The following DLGAP5 variants were observed in gnomAD, a reference collection of about 807,000 sequenced individuals.
The protein encoded by DLGAP5 is DLG associated protein 5.
DLGAP5 carries 90 observed loss-of-function variants against 99.6 expected under a neutral mutation model. The observed-to-expected ratio is 0.90, with a 90% CI of 0.76 to 1.08. The LOEUF is 1.08. DLGAP5 is among the 50% of genes least tolerant of loss of function. The pLI is 0.00. For missense variants in DLGAP5, 1,036 were observed against 983.5 expected (o/e 1.05, Z -0.71); for synonymous variants, 311 against 321.3 (o/e 0.97, Z 0.34).
chr14:55,162,575 C>T (rs1014627165), intron 13 of DLGAP5, among the ~76,000 whole-genome samples: 3 of 151,192 alleles, frequency 2.0e-5, no homozygotes, highest in South Asian at 2.1e-4. Context: ...GCTGAGATCA[C>T]GCCACTGTAC....
chr14:55,169,459 T>C lies in DLGAP5; in HGVS notation c.1488A>G (p.Arg496=). ...CTGTACAGGTAGTCTCCTTTATACC[T>C]CGTTTATATTCACAATCATCAACCA... ...EGLVDDCEYK[R]GIKETTCTDL... Residue 496 remains arginine (R), a synonymous_variant, in exon 12 of 19, where the codon CGA becomes CGG. Coordinates refer to ENST00000247191, the MANE Select transcript of DLGAP5 (RefSeq NM_014750.5). 6.2e-7 allele frequency: 1 copy of C among 1,612,312 alleles called. No individual in the cohort carries two copies. The highest frequency in any genetic ancestry group is 8.5e-7 in the Non-Finnish European group (1 of 1,179,240).
intron 3 of DLGAP5, among the ~76,000 whole-genome samples, chr14:55,183,090 CCTTT>C (rs1883326855): frequency 6.6e-6 from 1 of 152,152 alleles, no homozygotes; most frequent in South Asian, 2.1e-4. Context: ...CTGTCAAATG[CCTTT>C]ATTTAGATGT....
At chr14:55,172,603 G>A (rs1038960092) in intron 10 of DLGAP5, among the ~76,000 whole-genome samples, 32 of 151,980 alleles carry the variant, frequency 2.1e-4, no homozygotes, top group Middle Eastern at 6.8e-3. Flanking sequence ...CAGCCTGGGT[G>A]ACAGAGTGAG....
In DLGAP5 at chr14:55,148,274, T is replaced by C; in HGVS notation, c.*77A>G. On this transcript the variant is annotated 3_prime_UTR_variant, in exon 19 of 19. Transcript: ENST00000247191. ...TATAGAAGTGAACACAAATACATTT[T>C]CTCCAAAATTTCAATAGTCTAAGGA... The C allele has an allele frequency of 2.1e-6, 3 of 1,438,316 alleles. No homozygotes were observed. The highest frequency in any genetic ancestry group is 2.9e-6 in the Non-Finnish European group (3 of 1,046,696). The allele number at this position is 1,438,316 out of a possible 1,614,324, so 89.1% of individuals were successfully genotyped here.
rs551424574 is a variant in DLGAP5, at chr14:55,161,408, A to AT, written c.1653+1562dup. 5.3e-3 allele frequency among the ~76,000 whole-genome samples: 620 copies of AT among 115,906 alleles called. 3 individuals carry two copies. The highest frequency in any genetic ancestry group is 0.01 in the African/African-American group (291 of 28,118). The allele number at this position is 115,906 out of a possible 152,430, so 76.0% of individuals were successfully genotyped here. On this transcript the variant is annotated intron_variant, in intron 13 of 18. Coordinates refer to ENST00000247191, the MANE Select transcript of DLGAP5 (RefSeq NM_014750.5). Reference sequence around the variant, plus strand: ...ATGAGACTTTATTAGTAAAAAAAAAATTTTTTTTTTTTTTTTTTTTGAGAC... The same window carrying AT: ...ATGAGACTTTATTAGTAAAAAAAAAATTTTTTTTTTTTTTTTTTTTTGAGAC...
chr14:55,154,044 A>G (rs1441575885), intron 15 of DLGAP5, among the ~76,000 whole-genome samples: 3 of 152,194 alleles, frequency 2.0e-5, no homozygotes, highest in Non-Finnish European at 2.9e-5. Flanking sequence ...CAACAGAGTG[A>G]GACTCCACCT....
intron 10 of DLGAP5, among the ~76,000 whole-genome samples, chr14:55,174,677 A>C (rs1047492088): frequency 1.3e-5 from 2 of 151,592 alleles, no homozygotes; most frequent in African/African-American, 2.4e-5. Context: ...AGATTCCCCG[A>C]TATATATATG....
chr14:55,172,874 C>T (rs1001617718), intron 10 of DLGAP5, among the ~76,000 whole-genome samples: 6 of 148,804 alleles, frequency 4.0e-5, no homozygotes, highest in South Asian at 4.2e-4. Flanking sequence ...CCTGGCTACT[C>T]AGGAGGCTGA....
intron 13 of DLGAP5, among the ~76,000 whole-genome samples, chr14:55,160,069 T>C (rs1355675345): frequency 1.3e-5 from 2 of 152,026 alleles, no homozygotes; most frequent in African/African-American, 4.8e-5. Context: ...CTGGGCAAGG[T>C]GGCACATGCC....
chr14:55,155,558 G>C (rs1882186417), intron 14 of DLGAP5, among the ~76,000 whole-genome samples: 2 of 150,690 alleles, frequency 1.3e-5, no homozygotes, highest in African/African-American at 4.9e-5. Flanking sequence ...ATGTTGGCCA[G>C]GCTGGTCTCG....
At chr14:55,160,237 GA>G (rs1180877880) in intron 13 of DLGAP5, among the ~76,000 whole-genome samples, 6 of 149,164 alleles carry the variant, frequency 4.0e-5, no homozygotes, top group Admixed American at 6.7e-5. Flanking sequence ...AAAAATACAA[GA>G]AAAAAAGTTA....
chr14:55,151,196 G>A (rs563584968), intron 17 of DLGAP5, among the ~76,000 whole-genome samples: 1 of 152,252 alleles, frequency 6.6e-6, no homozygotes, highest in Admixed American at 6.5e-5. Flanking sequence ...GAAAATGGCA[G>A]GTAAAACTGG....
chr14:55,180,906 CAGG>C (rs1943618788), intron 5 of DLGAP5, 128 bp from the exon 6 acceptor site: 2 of 1,229,690 alleles, frequency 1.6e-6, no homozygotes, highest in Middle Eastern at 4.6e-4. Flanking sequence ...TACTTCAGCC[CAGG>C]AGTTCGAAAC....
chr14:55,179,311 T>C (rs1883196043), intron 7 of DLGAP5, among the ~76,000 whole-genome samples: 1 of 152,118 alleles, frequency 6.6e-6, no homozygotes, highest in Admixed American at 6.5e-5. Context: ...CCTAAATGAA[T>C]CCAAAGTCAA....
chr14:55,148,601 C>T (rs1362675911), intron 18 of DLGAP5, 128 bp from the exon 19 acceptor site: 2 of 1,543,282 alleles, frequency 1.3e-6, no homozygotes, highest in Non-Finnish European at 8.7e-7. Flanking sequence ...CACCTGTAGT[C>T]CCAGCTACTC....
intron 1 of DLGAP5, chr14:55,190,968 T>C (rs898077090): frequency 1.3e-5 from 2 of 152,220 alleles, no homozygotes; most frequent in South Asian, 2.1e-4. Context: ...TTAACTATTA[T>C]CGCTCTCATA....
chr14:55,166,845 A>G (rs1882660551), intron 12 of DLGAP5, among the ~76,000 whole-genome samples: 1 of 151,998 alleles, frequency 6.6e-6, no homozygotes, highest in Admixed American at 6.6e-5. Flanking sequence ...ATTTTATCAT[A>G]TGTAAATTAT....
Position 55,150,779 on chromosome 14 carries a change from T to C in DLGAP5, c.2418+20A>G. 1 of 1,549,122 alleles carries C rather than the reference T, an allele frequency of 6.5e-7. No individual in the cohort carries two copies. The highest frequency in any genetic ancestry group is 8.7e-7 in the Non-Finnish European group (1 of 1,147,588). Reference sequence around the variant, plus strand: ...AACAAATCTAGAATATAAAGGGACTTGTCAAGTTGGAAAACTTACTGAATC... The same window carrying C: ...AACAAATCTAGAATATAAAGGGACTCGTCAAGTTGGAAAACTTACTGAATC... On this transcript the variant is annotated intron_variant, in intron 18 of 18. Transcript: ENST00000247191.
intron 4 of DLGAP5, 136 bp from the exon 5 acceptor site, chr14:55,181,433 CAAATA>C: frequency 5.0e-6 from 3 of 595,608 alleles, no homozygotes; most frequent in South Asian, 2.7e-5. Context: ...AAAACTACCC[CAAATA>C]AAATGAGATA....
Sources: allele counts gnomAD v4.1 joint callset (sites outside exome capture counted in the v4.1 genomes callset), GRCh38; gene constraint gnomAD v4.1.1; transcripts MANE v1.5; gene names NCBI Gene and HGNC (gene_info 2026-07-23, HGNC 2026-07-21).